Variants in PKHD1 observed in about 807,000 individuals in gnomAD.
The protein encoded by PKHD1 is PKHD1 ciliary IPT domain containing fibrocystin/polyductin.
Under a neutral mutation model 412.0 loss-of-function variants are expected in PKHD1, and 291 were observed. The observed-to-expected ratio is 0.71, with a 90% confidence interval of 0.64 to 0.78. The LOEUF is 0.78. PKHD1 is among the 30% of genes least tolerant of loss of function. PKHD1 has a pLI of 0.00. For synonymous variants in PKHD1, 1,777 were observed against 1,821.5 expected (o/e 0.98, Z 0.62); for missense variants, 4,825 against 4,950.7 (o/e 0.97, Z 0.76).
intron 60 of PKHD1, among the ~76,000 whole-genome samples, chr6:51,703,977 G>C (rs111416350): frequency 1.7e-4 from 26 of 152,000 alleles, no homozygotes; most frequent in African/African-American, 5.8e-4. Flanking sequence ...AGGGTAGCTA[G>C]TTTATTTCCA....
intron 48 of PKHD1, among the ~76,000 whole-genome samples, chr6:51,858,349 C>T (rs111884928): frequency 2.4e-3 from 359 of 152,226 alleles, no homozygotes; most frequent in African/African-American, 8.0e-3. Flanking sequence ...CCCATAATCC[C>T]AGGATATTTT....
chr6:51,970,519 T>C (rs1793507695), intron 35 of PKHD1, among the ~76,000 whole-genome samples: 1 of 152,230 alleles, frequency 6.6e-6, no homozygotes, highest in African/African-American at 2.4e-5. Flanking sequence ...TCATAAATAC[T>C]TTGCCTAGGC....
chr6:52,065,410 A>G (rs920270377), intron 12 of PKHD1, among the ~76,000 whole-genome samples: 4 of 151,966 alleles, frequency 2.6e-5, no homozygotes. Flanking sequence ...TTCATTGGGG[A>G]CGTACTGAAC....
chr6:51,856,178 CAT>C, intron 48 of PKHD1, 108 bp from the exon 49 acceptor site: 1 of 785,936 alleles, frequency 1.3e-6, no homozygotes, highest in Non-Finnish European at 2.3e-6. Context: ...ATTCTCTCCA[CAT>C]ATGTCTTAGG....
At chr6:51,851,134 T>C (rs191640692) in intron 49 of PKHD1, among the ~76,000 whole-genome samples, 2 of 152,366 alleles carry the variant, frequency 1.3e-5, no homozygotes, top group Admixed American at 1.3e-4. Context: ...AAAGGCCCTT[T>C]CTGCATCTAT....
Position 51,990,262 on chromosome 6 carries a change from G to A in PKHD1, c.5751+20047C>T, listed in dbSNP as rs372460668. On this transcript the variant is annotated intron_variant, in intron 35 of 66. Transcript: ENST00000371117. ...AGTGGCATCAATCGTAGCCTGACAC[G>A]AGCTGGGGTCAACCATTTATCTCTT... Among the ~76,000 whole-genome samples, 9 of 152,074 alleles carry A rather than the reference G, an allele frequency of 5.9e-5. No individual in the cohort carries two copies. In the East Asian group the frequency reaches 7.8e-4, roughly 13 times the overall value.
chr6:52,065,151 A>ATATATATATATATG, intron 12 of PKHD1, 101 bp from the exon 13 acceptor site: 2 of 89,632 alleles, frequency 2.2e-5, no homozygotes, highest in Non-Finnish European at 4.3e-5. Flanking sequence ...ATATATATAT[A>ATATATATATATATG]TATATATATA....
chr6:52,065,720 T>C (rs935369383), intron 12 of PKHD1, among the ~76,000 whole-genome samples: 1 of 152,194 alleles, frequency 6.6e-6, no homozygotes, highest in African/African-American at 2.4e-5. Context: ...TTTCTTTCTC[T>C]TCACTCACAA....
chr6:52,019,055 A>T (rs1257595385), intron 33 of PKHD1, among the ~76,000 whole-genome samples: 1 of 152,236 alleles, frequency 6.6e-6, no homozygotes, highest in Admixed American at 6.5e-5. Flanking sequence ...ACATATAAAA[A>T]GCATCATGAG....
At chr6:51,842,590 C>T (rs1770407248) in intron 50 of PKHD1, among the ~76,000 whole-genome samples, 2 of 152,102 alleles carry the variant, frequency 1.3e-5, no homozygotes, top group South Asian at 4.1e-4. Context: ...TTCTCAACCT[C>T]CCCCCGCCTC....
At chr6:51,708,815 T>C (rs1188202881) in intron 60 of PKHD1, among the ~76,000 whole-genome samples, 1 of 152,212 alleles carries the variant, frequency 6.6e-6, no homozygotes, top group African/African-American at 2.4e-5. Context: ...TAGGGCCAAT[T>C]TGCCCATGGC....
intron 60 of PKHD1, among the ~76,000 whole-genome samples, chr6:51,670,394 T>G (rs1385995984): frequency 1.3e-5 from 2 of 151,996 alleles, no homozygotes; most frequent in Middle Eastern, 3.4e-3. Flanking sequence ...GTTTTCCATT[T>G]GCTTGGTAGA....
In PKHD1 at chr6:51,924,848, G is replaced by C. The variant is rs572065487; in HGVS notation, c.6121+9262C>G. ...GGGACAACTTCACCAAATCAAAAGT[G>C]TAAACAAATAATAACAATGATAATA... On this transcript the variant is annotated intron_variant, in intron 37 of 66. Coordinates refer to ENST00000371117, the MANE Select transcript of PKHD1 (RefSeq NM_138694.4). 3.3e-5 allele frequency among the ~76,000 whole-genome samples: 5 copies of C among 152,278 alleles called. No individual in the cohort carries two copies. The East Asian group carries it at 9.6e-4, about 29-fold the overall frequency.
chr6:51,945,663 T>G (rs113329478), intron 36 of PKHD1, among the ~76,000 whole-genome samples: 2,158 of 152,292 alleles, frequency 0.014, 54 homozygotes, highest in African/African-American at 0.049. Context: ...AAAGCTAACA[T>G]TTATTCAGCA....
chr6:51,850,387 A>G (rs1771981497), intron 49 of PKHD1, among the ~76,000 whole-genome samples: 1 of 152,036 alleles, frequency 6.6e-6, no homozygotes. Flanking sequence ...GTCTTCTTCG[A>G]TTCCATGTGA....
intron 36 of PKHD1, among the ~76,000 whole-genome samples, chr6:51,952,109 T>C (rs1428519959): frequency 2.0e-5 from 3 of 152,194 alleles, no homozygotes; most frequent in Non-Finnish European, 4.4e-5. Context: ...TCCTTTCTCA[T>C]AGCAATGGCT....
intron 60 of PKHD1, among the ~76,000 whole-genome samples, chr6:51,704,318 T>C (rs1160482530): frequency 6.6e-6 from 1 of 152,060 alleles, no homozygotes; most frequent in Non-Finnish European, 1.5e-5. Context: ...AGTCTTGTGA[T>C]AGAGGTTAGA....
intron 52 of PKHD1, among the ~76,000 whole-genome samples, chr6:51,822,169 C>T (rs1350311970): frequency 6.6e-6 from 1 of 152,148 alleles, no homozygotes; most frequent in East Asian, 1.9e-4. Context: ...TAAAAGTCTG[C>T]TCATGGGCAG....
chr6:51,656,613 T>C (rs1562034701), intron 61 of PKHD1, among the ~76,000 whole-genome samples: 1 of 151,864 alleles, frequency 6.6e-6, no homozygotes, highest in African/African-American at 2.4e-5. Context: ...AGTAGATGGC[T>C]ACTCCGTTTC....
Sources: allele counts gnomAD v4.1 joint callset (sites outside exome capture counted in the v4.1 genomes callset), GRCh38; gene constraint gnomAD v4.1.1; transcripts MANE v1.5; gene names NCBI Gene and HGNC (gene_info 2026-07-23, HGNC 2026-07-21).